IL1R2: variants seen among roughly 807,000 people sequenced by gnomAD.
The protein encoded by IL1R2 is interleukin 1 receptor type 2.
A neutral mutation model predicts 39.5 loss-of-function variants in IL1R2; 46 were observed. That is an observed-to-expected ratio of 1.16 (90% CI 0.92 to 1.49). The LOEUF is 1.49. Among genes scored for constraint, IL1R2 ranks in the 40% most tolerant of loss-of-function variants. IL1R2 has a pLI of 0.00. For missense variants in IL1R2, 537 were observed against 502.0 expected, an observed-to-expected ratio of 1.07 and a Z score of -0.67; for synonymous variants, 207 against 189.6, an observed-to-expected ratio of 1.09 and a Z score of -0.75.
At chr2:102,026,663 C>T (rs1677764944) in intron 8 of IL1R2, among the ~76,000 whole-genome samples, 1 of 152,084 alleles carries the variant, frequency 6.6e-6, no homozygotes, top group Non-Finnish European at 1.5e-5. Flanking sequence ...ACCCAGGGTT[C>T]AGGGCAGCTT....
intron 1 of IL1R2, among the ~76,000 whole-genome samples, chr2:102,002,248 G>A (rs879561928): frequency 2.0e-5 from 3 of 152,172 alleles, no homozygotes; most frequent in Non-Finnish European, 2.9e-5. Context: ...GCAACTTTCA[G>A]GTGTTCCAGG....
At chr2:102,010,272 T>C (rs1259295018) in intron 3 of IL1R2, 1 of 162,436 alleles carries the variant, frequency 6.2e-6, no homozygotes, top group Non-Finnish European at 1.4e-5. Flanking sequence ...AATAGGATTT[T>C]ACTCTGAATA....
chr2:102,028,277 T>C lies in IL1R2; in HGVS notation c.1082T>C (p.Phe361Ser), dbSNP rs1392214525. The change falls in exon 9 of 9, where the codon TTC (phenylalanine) becomes TCC (serine). Residue 361 changes from phenylalanine to serine, a missense_variant. Transcript: ENST00000332549. ...GTGCTGGCCCCACTTTCACTGGCCT[T>C]CTTGGTTTTGGGGGGAATATGGATG... ...GIVLAPLSLAFLVLGGIWMHR... is the reference protein window; with the variant it reads ...GIVLAPLSLASLVLGGIWMHR... 3 of 1,612,738 alleles carry C rather than the reference T, an allele frequency of 1.9e-6. No individual in the cohort carries two copies. The highest frequency in any genetic ancestry group is 2.5e-6 in the Non-Finnish European group (3 of 1,179,462).
In IL1R2 at chr2:102,008,643, G is replaced by T. The variant is rs1406073850; in HGVS notation, c.67+1G>T. On this transcript the variant is annotated splice_donor_variant, in intron 2 of 8. Coordinates refer to ENST00000332549, the MANE Select transcript of IL1R2 (RefSeq NM_004633.4). LOFTEE classifies it high-confidence loss of function. ...ACCCTTCAGCCTGCGGCACACACAGGTTAGAAGTAAACCTTTCAGATGCAA... is the reference window on the plus strand; with the variant it reads ...ACCCTTCAGCCTGCGGCACACACAGTTTAGAAGTAAACCTTTCAGATGCAA... 2 of 1,613,252 alleles carry T rather than the reference G, an allele frequency of 1.2e-6. No homozygotes were observed. Among genetic ancestry groups the T allele is most frequent in the East Asian group, 2.2e-5 (1 of 44,872 alleles).
intron 1 of IL1R2, among the ~76,000 whole-genome samples, chr2:101,994,256 C>A (rs1675479611): frequency 1.3e-5 from 2 of 152,104 alleles, no homozygotes; most frequent in African/African-American, 2.4e-5. Flanking sequence ...CCACTCCCAC[C>A]CCGACCTCCA....
chr2:102,008,306 G>C (rs1043081429), intron 1 of IL1R2, among the ~76,000 whole-genome samples: 1 of 152,252 alleles, frequency 6.6e-6, no homozygotes, highest in African/African-American at 2.4e-5. Context: ...CACGCCTCTA[G>C]GTGCTACAAG....
At chr2:101,997,813 C>T (rs893150749) in intron 1 of IL1R2, among the ~76,000 whole-genome samples, 1 of 152,234 alleles carries the variant, frequency 6.6e-6, no homozygotes, top group Non-Finnish European at 1.5e-5. Context: ...ATCCAGCCCT[C>T]TCTCTTTTAC....
rs566320548 is a variant in IL1R2, at chr2:102,024,690, G to A, written c.887+22G>A. 3.7e-6 allele frequency: 6 copies of A among 1,614,022 alleles called. No individual in the cohort carries two copies. The African/African-American group carries it at 6.7e-5, about 18-fold the overall frequency. ...GCCAGTAAGTGGGCCAGGGTCTTCT[G>A]TTGAGAACTCTGTGGGTTTCGCTCT... On this transcript the variant is annotated intron_variant, in intron 7 of 8. Transcript: ENST00000332549.
At chr2:102,022,000 A>G in intron 5 of IL1R2, 187 bp from the exon 6 acceptor site, 1 of 590,732 alleles carries the variant, frequency 1.7e-6, no homozygotes, top group Non-Finnish European at 3.1e-6. Context: ...CTCTGCTGGG[A>G]AAGTCATTGG....
intron 4 of IL1R2, among the ~76,000 whole-genome samples, chr2:102,018,376 G>A (rs898580584): frequency 5.9e-5 from 9 of 152,206 alleles, no homozygotes; most frequent in East Asian, 3.8e-4. Flanking sequence ...TTGTGCAGCC[G>A]TGGCCGAGTG....
intron 6 of IL1R2, 135 bp from the exon 7 acceptor site, chr2:102,024,398 C>T (rs1677596590): frequency 1.5e-6 from 1 of 671,262 alleles, no homozygotes; most frequent in Non-Finnish European, 2.7e-6. Context: ...TTTGAGAAAA[C>T]TAAATTTTCT....
intron 1 of IL1R2, among the ~76,000 whole-genome samples, chr2:102,005,883 G>C (rs968458441): frequency 2.0e-5 from 3 of 152,178 alleles, no homozygotes; most frequent in Non-Finnish European, 4.4e-5. Flanking sequence ...CAAGGGCTTT[G>C]GAATCACCAG....
intron 5 of IL1R2, among the ~76,000 whole-genome samples, chr2:102,020,654 C>A (rs1318869740): frequency 6.6e-6 from 1 of 152,178 alleles, no homozygotes; most frequent in Non-Finnish European, 1.5e-5. Context: ...ACTGAGGTGT[C>A]CTGATTGTGT....
intron 5 of IL1R2, 155 bp from the exon 6 acceptor site, chr2:102,022,032 G>A (rs1038368221): frequency 1.5e-6 from 1 of 659,054 alleles, no homozygotes; most frequent in East Asian, 2.6e-5. Context: ...CGATTTTGTA[G>A]AGAGCCTGTT....
intron 6 of IL1R2, among the ~76,000 whole-genome samples, chr2:102,024,013 C>T (rs1204609586): frequency 6.6e-6 from 1 of 151,168 alleles, no homozygotes; most frequent in African/African-American, 2.5e-5. Flanking sequence ...CGCCCCACCG[C>T]ACTCCAGCCT....
chr2:102,016,353 G>T (rs368036222), intron 4 of IL1R2: 20 of 227,886 alleles, frequency 8.8e-5, no homozygotes, highest in South Asian at 4.3e-4. Flanking sequence ...TCAACAGTAG[G>T]CTGCATGTAC....
chr2:102,005,797 A>T (rs958402360), intron 1 of IL1R2, among the ~76,000 whole-genome samples: 1 of 152,330 alleles, frequency 6.6e-6, no homozygotes, highest in Non-Finnish European at 1.5e-5. Context: ...GGGTTCTATT[A>T]TTGGGAAAGC....
intron 8 of IL1R2, 60 bp downstream of exon 8, chr2:102,026,313 T>G: frequency 8.1e-7 from 1 of 1,242,158 alleles, no homozygotes; most frequent in African/African-American, 1.5e-5. Flanking sequence ...GTTCCATGGA[T>G]ACTAGACAAA....
At position 102,009,642 on chromosome 2, in the gene IL1R2, T is replaced by A; in HGVS notation, c.148T>A (p.Cys50Ser). Reference sequence around the variant, plus strand: ...GGAAGGGGAGCCTGTAGCCCTGAGGTGCCCCCAGGTGCCCTACTGGTTGTG... The same window carrying A: ...GGAAGGGGAGCCTGTAGCCCTGAGGAGCCCCCAGGTGCCCTACTGGTTGTG... ...RLEGEPVALR[C>S]PQVPYWLWAS... Residue 50 changes from cysteine (C) to serine (S), a missense_variant, in exon 3 of 9, where the codon TGC (cysteine) becomes AGC (serine). Physicochemically the swap from Cys to Ser is moderately radical, Grantham distance 112. Coordinates refer to ENST00000332549, the MANE Select transcript of IL1R2 (RefSeq NM_004633.4). The A allele has an allele frequency of 6.2e-7, 1 of 1,614,138 alleles. No homozygotes were observed. The highest frequency in any genetic ancestry group is 8.5e-7 in the Non-Finnish European group (1 of 1,180,004).
Sources: allele counts gnomAD v4.1 joint callset (sites outside exome capture counted in the v4.1 genomes callset), GRCh38; gene constraint gnomAD v4.1.1; transcripts MANE v1.5; gene names NCBI Gene and HGNC (gene_info 2026-07-23, HGNC 2026-07-21).